The following ETF1 variants were observed in gnomAD, a reference collection of about 807,000 sequenced individuals.
ETF1 encodes the protein eukaryotic peptide chain release factor subunit 1.
A neutral mutation model predicts 55.1 loss-of-function variants in ETF1; 4 were observed. The ratio of observed to expected loss-of-function variants is 0.07; its 90% CI spans 0.04 to 0.17. ETF1 has a LOEUF of 0.17. ETF1 is among the 10% of genes least tolerant of loss of function. The pLI is 1.00. For missense variants in ETF1, 142 were observed against 523.6 expected (o/e 0.27, Z 7.11); for synonymous variants, 157 against 182.3 (o/e 0.86, Z 1.12).
At chr5:138,542,790 C>T (rs970817319) in intron 2 of ETF1, 43 bp downstream of exon 2, 3 of 1,606,398 alleles carry the variant, frequency 1.9e-6, no homozygotes, top group Non-Finnish European at 1.7e-6. Context: ...CTGAGGGGTC[C>T]GGGAACCAAG....
intron 2 of ETF1, chr5:138,519,338 G>T: frequency 3.6e-6 from 1 of 274,122 alleles, no homozygotes; most frequent in Non-Finnish European, 5.6e-6. Context: ...AAGGAGAACT[G>T]TGGAAGTCAC....
At chr5:138,541,768 G>C (rs866541977) in intron 2 of ETF1, 7 of 428,766 alleles carry the variant, frequency 1.6e-5, no homozygotes, top group South Asian at 6.1e-5. Flanking sequence ...TTTTTTTTGG[G>C]GGGGGGGGCA....
rs890268135 is a variant in ETF1, at chr5:138,508,335, G to A, written c.1284C>T (p.Asp428=). 18 of 1,613,786 alleles carry A rather than the reference G, an allele frequency of 1.1e-5. No individual in the cohort carries two copies. Among genetic ancestry groups the A allele is most frequent in the Non-Finnish European group, 1.5e-5 (18 of 1,179,992 alleles). ...DFQGMEYQGG[D]DEFFDLDDY The stretch of plus-strand genomic sequence containing the variant: ...AGTCATCAAGGTCAAAAAATTCATC[G>A]TCTCCTCCTTGGTATTCCATTCCCT... Residue 428 remains aspartate, a synonymous_variant, in exon 11 of 11, where the codon GAC becomes GAT. Coordinates refer to ENST00000360541, the MANE Select transcript of ETF1 (RefSeq NM_004730.4).
chr5:138,513,232 T>C (rs1764884533), intron 5 of ETF1: 3 of 966,512 alleles, frequency 3.1e-6, no homozygotes, highest in African/African-American at 3.5e-5. Context: ...CATACTGTTT[T>C]CTCTCTCTCT....
intron 2 of ETF1, 161 bp downstream of exon 2, chr5:138,542,672 G>T: frequency 1.4e-6 from 2 of 1,441,524 alleles, no homozygotes; most frequent in Non-Finnish European, 1.8e-6. Flanking sequence ...GGCCAACCGC[G>T]CCGACCCTCG....
At chr5:138,520,994 A>C (rs1321961798) in intron 2 of ETF1, among the ~76,000 whole-genome samples, 1 of 152,116 alleles carries the variant, frequency 6.6e-6, no homozygotes, top group African/African-American at 2.4e-5. Context: ...TTCTACTTTC[A>C]ATTACATACC....
At chr5:138,522,989 G>A (rs539556011) in intron 2 of ETF1, among the ~76,000 whole-genome samples, 1 of 150,468 alleles carries the variant, frequency 6.6e-6, no homozygotes, top group African/African-American at 2.4e-5. Context: ...TGGGGCGAAA[G>A]AGCAAGACTC....
chr5:138,521,790 A>G (rs1765243122), intron 2 of ETF1, among the ~76,000 whole-genome samples: 2 of 152,204 alleles, frequency 1.3e-5, no homozygotes, highest in African/African-American at 2.4e-5. Context: ...TCAGCCTCCC[A>G]AAGTGCTGGG....
At position 138,513,685 on chromosome 5, in the gene ETF1, C is replaced by T; in HGVS notation, c.424G>A (p.Asp142Asn). The T allele has an allele frequency of 6.2e-7, 1 of 1,604,646 alleles. No individual in the cohort carries two copies. Among genetic ancestry groups the T allele is most frequent in the Non-Finnish European group, 8.5e-7 (1 of 1,172,024 alleles). ...HTEALTALLS[D>N]DSKFGFIVID... Reference sequence around the variant, plus strand: ...ACAATGAATCCAAACTTGCTATCATCTGAAAGTAGTGCTGTAAGAGCCTGA... The same window carrying T: ...ACAATGAATCCAAACTTGCTATCATTTGAAAGTAGTGCTGTAAGAGCCTGA... The change falls in exon 5 of 11, where the codon GAT (aspartate) becomes AAT (asparagine). Residue 142 changes from aspartate to asparagine, a missense_variant. Around this residue, in one of 5 missense-constraint regions of ETF1, gnomAD observed 22 missense variants for 158.7 expected, o/e 0.14. Coordinates refer to ENST00000360541, the MANE Select transcript of ETF1 (RefSeq NM_004730.4).
chr5:138,538,542 G>A (rs1468443503), intron 2 of ETF1, among the ~76,000 whole-genome samples: 1 of 152,142 alleles, frequency 6.6e-6, no homozygotes. Context: ...AGGGAGGCAT[G>A]GAAAGAGCCA....
At chr5:138,529,615 T>C (rs762485880) in intron 2 of ETF1, 135 of 985,344 alleles carry the variant, frequency 1.4e-4, no homozygotes, top group Admixed American at 5.5e-4. Flanking sequence ...CTTGTTCTCA[T>C]TGGTTTTAGG....
intron 2 of ETF1, chr5:138,529,890 G>T (rs1299884254): frequency 6.1e-6 from 1 of 163,500 alleles, no homozygotes; most frequent in Non-Finnish European, 1.3e-5. Flanking sequence ...CTACAGGTAC[G>T]CACCACCACG....
chr5:138,534,802 G>C (rs1423679667), intron 2 of ETF1, among the ~76,000 whole-genome samples: 1 of 152,184 alleles, frequency 6.6e-6, no homozygotes, highest in African/African-American at 2.4e-5. Flanking sequence ...ATCTGGCACT[G>C]ACCCTTACTA....
intron 2 of ETF1, among the ~76,000 whole-genome samples, chr5:138,522,206 A>G (rs1204650169): frequency 6.6e-6 from 1 of 152,164 alleles, no homozygotes; most frequent in Non-Finnish European, 1.5e-5. Flanking sequence ...AGGAAAGTAA[A>G]AAGACCCACA....
chr5:138,512,078 T>TAC (rs1174342374), intron 6 of ETF1: 1 of 153,436 alleles, frequency 6.5e-6, no homozygotes, highest in East Asian at 2.0e-4. Flanking sequence ...CACATCCCTG[T>TAC]AGTCCCAGCT....
At chr5:138,532,915 C>T (rs1440275423) in intron 2 of ETF1, among the ~76,000 whole-genome samples, 1 of 152,056 alleles carries the variant, frequency 6.6e-6, no homozygotes, top group Non-Finnish European at 1.5e-5. Flanking sequence ...CAATGAAACA[C>T]ATTGTTTACA....
chr5:138,538,936 T>C (rs1356366007), intron 2 of ETF1, among the ~76,000 whole-genome samples: 1 of 152,248 alleles, frequency 6.6e-6, no homozygotes, highest in Non-Finnish European at 1.5e-5. Context: ...TCTTTAAAAA[T>C]GGTTATATTT....
intron 2 of ETF1, among the ~76,000 whole-genome samples, chr5:138,524,577 CG>C (rs1205615579): frequency 1.4e-5 from 2 of 147,856 alleles, no homozygotes; most frequent in African/African-American, 2.5e-5. Context: ...AATTTCTTTC[CG>C]TTTTTTGTTT....
intron 4 of ETF1, among the ~76,000 whole-genome samples, chr5:138,515,781 C>G (rs1561832441): frequency 6.6e-6 from 1 of 152,222 alleles, no homozygotes; most frequent in African/African-American, 2.4e-5. Flanking sequence ...CAACCAGATA[C>G]AGGTAAGTGG....
Sources: gnomAD v4.1 joint callset for allele counts (sites outside exome capture counted in the v4.1 genomes callset) on GRCh38, gnomAD v4.1.1 for gene constraint, gnomAD v4.1.1 regional missense constraint, MANE v1.5 for transcripts, NCBI Gene and HGNC (gene_info 2026-07-23, HGNC 2026-07-21) for gene names.